Variants in RECK observed in about 807,000 individuals in gnomAD.
RECK encodes the protein reversion-inducing cysteine-rich protein with Kazal motifs.
In RECK, 69 loss-of-function variants were observed where a neutral mutation model predicts 115.1. The observed-to-expected ratio is 0.60, with a 90% CI of 0.49 to 0.73. The LOEUF is 0.73. RECK is among the 30% of genes least tolerant of loss of function. The probability of loss-of-function intolerance (pLI) is 0.00; values close to 1 mark genes in which losing one functional copy is unlikely to be tolerated. For synonymous variants in RECK, 414 were observed against 419.7 expected (o/e 0.99, Z 0.17); for missense variants, 1,047 against 1,203.7 (o/e 0.87, Z 1.93).
At chr9:36,050,528 T>TC (rs1352772015) in intron 1 of RECK, among the ~76,000 whole-genome samples, 2 of 152,186 alleles carry the variant, frequency 1.3e-5, no homozygotes, top group Non-Finnish European at 2.9e-5. Context: ...TATTAGTGTT[T>TC]CCTCCCTTAC....
chr9:36,056,606 A>C (rs1053862528), intron 2 of RECK, among the ~76,000 whole-genome samples: 3 of 152,214 alleles, frequency 2.0e-5, no homozygotes, highest in African/African-American at 7.2e-5. Context: ...AATGATGAAA[A>C]TATTCTAGAC....
At chr9:36,056,823 A>G (rs6476517) in intron 2 of RECK, among the ~76,000 whole-genome samples, 3,873 of 152,284 alleles carry the variant, frequency 0.025, 172 homozygotes, top group African/African-American at 0.087. Context: ...TGATGTTAAC[A>G]GTCATTGTGA....
intron 2 of RECK, among the ~76,000 whole-genome samples, chr9:36,055,035 A>C (rs1160925450): frequency 6.6e-6 from 1 of 152,178 alleles, no homozygotes; most frequent in East Asian, 1.9e-4. Flanking sequence ...ATGGGTAAAA[A>C]ACTTCTCAGA....
intron 5 of RECK, 126 bp from the exon 6 acceptor site, chr9:36,065,451 A>G: frequency 1.6e-6 from 1 of 622,508 alleles, no homozygotes; most frequent in Non-Finnish European, 2.5e-6. Flanking sequence ...ATATTTGAAC[A>G]TAAGGTTTTC....
chr9:36,046,531 G>C (rs1821078164), intron 1 of RECK, among the ~76,000 whole-genome samples: 1 of 152,186 alleles, frequency 6.6e-6, no homozygotes. Context: ...ATGTGACGGA[G>C]CAGAGGTCCC....
chr9:36,096,591 A>C (rs1386110627), intron 10 of RECK, among the ~76,000 whole-genome samples: 1 of 152,154 alleles, frequency 6.6e-6, no homozygotes, highest in Non-Finnish European at 1.5e-5. Context: ...TTTTCAACAA[A>C]TAATACTAGA....
At chr9:36,037,742 C>G (rs1339045924) in intron 1 of RECK, among the ~76,000 whole-genome samples, 1 of 151,750 alleles carries the variant, frequency 6.6e-6, no homozygotes, top group Non-Finnish European at 1.5e-5. Context: ...GAGTGCACGC[C>G]GACTCCTTCC....
intron 18 of RECK, among the ~76,000 whole-genome samples, chr9:36,120,248 AT>A (rs1564140036): frequency 6.7e-6 from 1 of 149,692 alleles, no homozygotes. Context: ...AAAAAAAAAA[AT>A]TAAATTTGAA....
In RECK at chr9:36,110,089, A is replaced by G. The variant is rs764937060; in HGVS notation, c.1888+10A>G. 1 of 1,594,784 alleles carries G rather than the reference A, an allele frequency of 6.3e-7. No individual in the cohort carries two copies. The highest frequency in any genetic ancestry group is 8.6e-7 in the Non-Finnish European group (1 of 1,163,894). ...CGTCGTACCTTCACAGGTGACTGTG[A>G]TCGCCCAGAGTCTGTCCTCAGGGGC... On this transcript the variant is annotated intron_variant, in intron 15 of 20. Transcript: ENST00000377966.
intron 1 of RECK, among the ~76,000 whole-genome samples, chr9:36,040,421 C>T (rs941632229): frequency 3.3e-5 from 5 of 151,956 alleles, no homozygotes. Context: ...AGTGCAGAAG[C>T]CTTAAGGCAT....
At chr9:36,111,871 C>T (rs1246714634) in intron 15 of RECK, among the ~76,000 whole-genome samples, 1 of 151,614 alleles carries the variant, frequency 6.6e-6, no homozygotes, top group Non-Finnish European at 1.5e-5. Context: ...GGGCCCTCAA[C>T]TAGTTGGCAA....
chr9:36,106,259 G>A (rs1408480802), intron 13 of RECK, among the ~76,000 whole-genome samples: 6 of 151,134 alleles, frequency 4.0e-5, no homozygotes, highest in African/African-American at 1.5e-4. Flanking sequence ...TTTGAGACGG[G>A]GTTTCACTCT....
chr9:36,069,801 G>A (rs1451927615), intron 6 of RECK, among the ~76,000 whole-genome samples: 6 of 151,782 alleles, frequency 4.0e-5, no homozygotes, highest in Non-Finnish European at 8.8e-5. Flanking sequence ...AGGATCAAAG[G>A]GAAAAAAATC....
rs200112859 is a variant in RECK at position 36,045,971 on chromosome 9, TA to T, written c.101-6293del. Reference sequence around the variant, plus strand: ...CCTTTAGTAATCAATTTTTAATTTTTATTTTATAATCACAGACTATTGGAAT... The same window carrying T: ...CCTTTAGTAATCAATTTTTAATTTTTTTTTATAATCACAGACTATTGGAAT... On this transcript the variant is annotated intron_variant, in intron 1 of 20. Transcript: ENST00000377966. 8.4e-3 allele frequency among the ~76,000 whole-genome samples: 1,282 copies of T among 152,310 alleles called. 24 individuals are homozygous for T. The highest frequency in any genetic ancestry group is 0.029 in the African/African-American group (1,205 of 41,556).
In RECK at chr9:36,123,312, A is replaced by G. The variant is rs756297124; in HGVS notation, c.*267A>G. 1 of 364,242 alleles carries G rather than the reference A, an allele frequency of 2.7e-6. No individual in the cohort carries two copies. The highest frequency in any genetic ancestry group is 5.0e-6 in the Non-Finnish European group (1 of 201,966). 22.6% of individuals were successfully genotyped at this position (364,242 alleles called of 1,614,324 possible). A position where few individuals can be genotyped will look rare whatever the true frequency, so the allele number is the denominator to read the frequency against. On this transcript the variant is annotated 3_prime_UTR_variant, in exon 21 of 21. Coordinates refer to ENST00000377966, the MANE Select transcript of RECK (RefSeq NM_021111.3). ...ACTGCCATATGATTTACATTTCCTCACCATAAGGGTCCCCCACTCTAAAGC... is the reference window on the plus strand; with the variant it reads ...ACTGCCATATGATTTACATTTCCTCGCCATAAGGGTCCCCCACTCTAAAGC...
intron 9 of RECK, 71 bp downstream of exon 9, chr9:36,088,032 A>G: frequency 8.7e-7 from 1 of 1,151,720 alleles, no homozygotes; most frequent in Non-Finnish European, 1.3e-6. Context: ...TAAGCCTAGC[A>G]AACGTGTGTT....
intron 13 of RECK, among the ~76,000 whole-genome samples, chr9:36,106,785 T>C (rs758382185): frequency 6.6e-6 from 1 of 152,072 alleles, no homozygotes; most frequent in African/African-American, 2.4e-5. Flanking sequence ...TGGTGACATC[T>C]GTATTTCATA....
intron 7 of RECK, among the ~76,000 whole-genome samples, chr9:36,082,298 C>T (rs550466850): frequency 2.1e-4 from 32 of 152,024 alleles, no homozygotes; most frequent in Non-Finnish European, 2.9e-4. Flanking sequence ...ATCCTTCTAC[C>T]TCAACCTCCC....
At chr9:36,070,399 G>A (rs962615915) in intron 6 of RECK, among the ~76,000 whole-genome samples, 1 of 151,964 alleles carries the variant, frequency 6.6e-6, no homozygotes, top group African/African-American at 2.4e-5. Flanking sequence ...CTTGAACCTT[G>A]GAGTGAATGA....
Sources: allele counts gnomAD v4.1 joint callset (sites outside exome capture counted in the v4.1 genomes callset), GRCh38; gene constraint gnomAD v4.1.1; transcripts MANE v1.5; gene names NCBI Gene and HGNC (gene_info 2026-07-23, HGNC 2026-07-21).